Variants in LGI1 observed in about 807,000 individuals in gnomAD.
LGI1 encodes the protein leucine rich glioma inactivated 1.
In LGI1, 11 loss-of-function variants were observed where a neutral mutation model predicts 57.7. That is an observed-to-expected ratio of 0.19 (90% CI 0.12 to 0.32). The LOEUF is 0.32. Ranked by LOEUF, LGI1 falls within the 10% of genes least tolerant of loss-of-function variation. LGI1 has a pLI of 1.00. For synonymous variants in LGI1, 222 were observed against 241.9 expected (o/e 0.92, Z 0.76); for missense variants, 422 against 661.9 (o/e 0.64, Z 3.98).
chr10:93,794,356 A>ATC (rs1286686464), intron 7 of LGI1, among the ~76,000 whole-genome samples: 15 of 106,184 alleles, frequency 1.4e-4, no homozygotes, highest in Non-Finnish European at 2.3e-4. Flanking sequence ...ACTTATCTGG[A>ATC]TCTCTCTTTT....
At chr10:93,782,988 A>G (rs1405210790) in intron 4 of LGI1, 4 of 152,256 alleles carry the variant, frequency 2.6e-5, no homozygotes, top group Non-Finnish European at 5.9e-5. Context: ...ATTTCTGTGA[A>G]GAAGGAATGG....
chr10:93,791,209 A>G (rs1368338008), intron 5 of LGI1: 1 of 152,184 alleles, frequency 6.6e-6, no homozygotes, highest in Non-Finnish European at 1.5e-5. Context: ...GATTCTTCCA[A>G]GAGAGTCCTG....
At chr10:93,766,026 C>G (rs2059673343) in intron 2 of LGI1, among the ~76,000 whole-genome samples, 1 of 148,226 alleles carries the variant, frequency 6.7e-6, no homozygotes, top group South Asian at 2.2e-4. Context: ...TTCTAACAAA[C>G]CAATACATTA....
In LGI1 at chr10:93,758,455, A is replaced by G; in HGVS notation, c.215+96A>G. ...CATGTATTTGTAGAAGGGCATGGAG[A>G]GAGAGATTCCTCTTGCATGCTTGGC... On this transcript the variant is annotated intron_variant, in intron 1 of 7. Transcript: ENST00000371418. This position sits in a 1 kb window ranked among gnomAD's most constrained non-coding sequence, Gnocchi z 4.7. 8.3e-7 allele frequency: 1 copy of G among 1,205,562 alleles called. No individual in the cohort carries two copies. Among genetic ancestry groups the G allele is most frequent in the Non-Finnish European group, 1.2e-6 (1 of 817,954 alleles). 74.7% of individuals were successfully genotyped at this position (1,205,562 alleles called of 1,614,324 possible).
chr10:93,784,246 C>T (rs919468567), intron 4 of LGI1, among the ~76,000 whole-genome samples: 1 of 152,148 alleles, frequency 6.6e-6, no homozygotes, highest in Non-Finnish European at 1.5e-5. Flanking sequence ...TCTAGTGCCA[C>T]CTAGTGTGAC....
intron 2 of LGI1, chr10:93,764,690 A>G (rs935185567): frequency 1.3e-5 from 2 of 152,260 alleles, no homozygotes; most frequent in African/African-American, 4.8e-5. Flanking sequence ...CTACAAAATG[A>G]GGAAGAACCG....
rs887433567 is a variant in LGI1 at position 93,797,681 on chromosome 10, A to G, written c.1552A>G (p.Asn518Asp). The G allele has an allele frequency of 4.3e-6, 7 of 1,613,974 alleles. No individual in the cohort carries two copies. The highest frequency in any genetic ancestry group is 4.2e-6 in the Non-Finnish European group (5 of 1,180,008). ...CAAATTTGTGAAATTTCAGGAATTAAATGTTCAGGCACCAAGATCATTCAC... is the reference window on the plus strand; with the variant it reads ...CAAATTTGTGAAATTTCAGGAATTAGATGTTCAGGCACCAAGATCATTCAC... ...KAKFVKFQEL[N>D]VQAPRSFTHV... The change falls in exon 8 of 8, where the codon AAT becomes GAT. Residue 518 changes from asparagine to aspartate, a missense_variant. By Grantham distance (23) the Asn-to-Asp change is conservative. Transcript: ENST00000371418. This position sits in a 1 kb window ranked among gnomAD's most constrained non-coding sequence, Gnocchi z 6.5.
chr10:93,783,453 C>T (rs1458283168), intron 4 of LGI1, among the ~76,000 whole-genome samples: 2 of 152,126 alleles, frequency 1.3e-5, no homozygotes, highest in African/African-American at 4.8e-5. Flanking sequence ...GAGAATGGTG[C>T]TTAGTTGAAG....
rs1317755657 is a variant in LGI1 at position 93,786,492 on chromosome 10, C to A, written c.432-3607C>A. Among the ~76,000 whole-genome samples, 3 of 47,324 alleles carry A rather than the reference C, an allele frequency of 6.3e-5. 1 individual carries two copies. The highest frequency in any genetic ancestry group is 8.8e-5 in the African/African-American group (3 of 33,912). 31.0% of individuals were successfully genotyped at this position (47,324 alleles called of 152,430 possible). On this transcript the variant is annotated intron_variant, in intron 4 of 7. Transcript: ENST00000371418. ...TATTTACACAGAAAAGTGAAAGATT[C>A]CAGTAACCCTACACCTACCTCATTT... is the stretch of plus-strand genomic sequence containing the variant.
chr10:93,794,776 C>T (rs1384473421), intron 7 of LGI1: 2 of 151,980 alleles, frequency 1.3e-5, no homozygotes, highest in Non-Finnish European at 2.9e-5. Flanking sequence ...GTTTTAGCTT[C>T]TAATACCTTT....
chr10:93,777,546 A>G lies in LGI1; in HGVS notation c.360A>G (p.Leu120=), dbSNP rs773488211. The part of the protein sequence containing the change: ...AFIGLPHLEY[L]FIENNNIKSI... The stretch of plus-strand genomic sequence containing the variant: ...CAAAAAATATTATAACTTATTGCAG[A>G]TTCATAGAAAACAACAACATCAAGT... The change falls in exon 4 of 8, where the codon TTA becomes TTG. Residue 120 remains leucine, a splice_region_variant and synonymous_variant. Transcript: ENST00000371418. 3 of 1,613,150 alleles carry G rather than the reference A, an allele frequency of 1.9e-6. No homozygotes were observed. The Admixed American group carries it at 5.0e-5, about 27-fold the overall frequency.
intron 2 of LGI1, among the ~76,000 whole-genome samples, chr10:93,776,417 C>A (rs1418545212): frequency 1.3e-5 from 2 of 152,102 alleles, no homozygotes; most frequent in Non-Finnish European, 2.9e-5. Flanking sequence ...TTATTTGAAG[C>A]AATCCCAGAT....
intron 2 of LGI1, among the ~76,000 whole-genome samples, chr10:93,760,769 C>T (rs1040050040): frequency 6.6e-6 from 1 of 152,190 alleles, no homozygotes; most frequent in Non-Finnish European, 1.5e-5. Flanking sequence ...ATAGCCCAAC[C>T]GAGTGTGTGC....
intron 4 of LGI1, among the ~76,000 whole-genome samples, chr10:93,778,261 G>A (rs2059811024): frequency 1.3e-5 from 2 of 151,952 alleles, no homozygotes; most frequent in Non-Finnish European, 2.9e-5. Context: ...AAGTGGCATC[G>A]TGGGCAGGTT....
Position 93,758,564 on chromosome 10 carries a change from T to C in LGI1, c.216-196T>C, listed in dbSNP as rs993250430. 3 of 693,388 alleles carry C rather than the reference T, an allele frequency of 4.3e-6. No homozygotes were observed. Among genetic ancestry groups the C allele is most frequent in the South Asian group, 3.5e-5 (2 of 57,212 alleles). 43.0% of individuals were successfully genotyped at this position (693,388 alleles called of 1,614,324 possible). On this transcript the variant is annotated intron_variant, in intron 1 of 7. Coordinates refer to ENST00000371418, the MANE Select transcript of LGI1 (RefSeq NM_005097.4). This position sits in a 1 kb window ranked among gnomAD's most constrained non-coding sequence, Gnocchi z 4.7. ...GAACATGCTTAGATACCCCCAGCCCTGAACATTATCATGAGAAACCTGTAG... is the reference window on the plus strand; with the variant it reads ...GAACATGCTTAGATACCCCCAGCCCCGAACATTATCATGAGAAACCTGTAG...
intron 4 of LGI1, among the ~76,000 whole-genome samples, chr10:93,782,525 A>G (rs1344562336): frequency 2.0e-5 from 3 of 152,208 alleles, no homozygotes; most frequent in Non-Finnish European, 4.4e-5. Context: ...TCTAAATGCT[A>G]TAGTGTATAT....
intron 2 of LGI1, chr10:93,767,183 C>T (rs913061753): frequency 5.3e-5 from 8 of 152,094 alleles, no homozygotes; most frequent in African/African-American, 1.7e-4. Context: ...AGCTAGTTTC[C>T]CTAGGTTGCA....
rs536944160 is a variant in LGI1 at position 93,758,258 on chromosome 10, G to A, written c.114G>A (p.Ala38=). Reference sequence around the variant, plus strand: ...TGCTGACTGAGGGGAAGAAACCAGCGAAGCCAAAATGCCCTGCCGTGTGTA... The same window carrying A: ...TGCTGACTGAGGGGAAGAAACCAGCAAAGCCAAAATGCCCTGCCGTGTGTA... ...ALLLTEGKKP[A]KPKCPAVCTC... The change falls in exon 1 of 8, where the codon GCG becomes GCA. Residue 38 remains alanine (A), a synonymous_variant. Transcript: ENST00000371418. This position sits in a 1 kb window ranked among gnomAD's most constrained non-coding sequence, Gnocchi z 4.7. 3.7e-6 allele frequency: 6 copies of A among 1,614,164 alleles called. No individual in the cohort carries two copies. Among genetic ancestry groups the A allele is most frequent in the East Asian group, 2.2e-5 (1 of 44,880 alleles).
At chr10:93,760,648 C>T (rs11187645) in intron 2 of LGI1, among the ~76,000 whole-genome samples, 44 of 152,280 alleles carry the variant, frequency 2.9e-4, no homozygotes, top group African/African-American at 9.9e-4. Context: ...GACCCAGTCA[C>T]GGCAAGCACA....
Sources: gnomAD v4.1 joint callset for allele counts (sites outside exome capture counted in the v4.1 genomes callset) on GRCh38, gnomAD v4.1.1 for gene constraint, Gnocchi (gnomAD v3.1) non-coding constraint, MANE v1.5 for transcripts, NCBI Gene and HGNC (gene_info 2026-07-23, HGNC 2026-07-21) for gene names.